ZDHHC3: variants seen among roughly 807,000 people sequenced by gnomAD.
The protein encoded by ZDHHC3 is palmitoyltransferase ZDHHC3.
ZDHHC3 carries 9 observed loss-of-function variants against 30.6 expected under a neutral mutation model. The ratio of observed to expected loss-of-function variants is 0.29; its 90% CI spans 0.18 to 0.51. The LOEUF (loss-of-function observed/expected upper bound fraction) is 0.51, where lower values mean the gene tolerates loss of function less well. Among genes scored for constraint, ZDHHC3 ranks in the 20% least tolerant of loss-of-function variants. ZDHHC3 has a pLI of 0.97. For missense variants in ZDHHC3, 246 were observed against 384.2 expected (o/e 0.64, Z 3.01); for synonymous variants, 136 against 140.2 (o/e 0.97, Z 0.21).
rs564304120 is a variant in ZDHHC3 at position 44,946,050 on chromosome 3, C to T, written c.307-758G>A. On this transcript the variant is annotated intron_variant, in intron 2 of 6. Coordinates refer to ENST00000424952, the MANE Select transcript of ZDHHC3 (RefSeq NM_001135179.2). ...TCCCTTTCTAAGTTTCACTGGTGAG[C>T]AACATGTCTAACAGTTTCCCCAGAT... Among the ~76,000 whole-genome samples the T allele has an allele frequency of 9.8e-5, 15 of 152,320 alleles. No individual in the cohort carries two copies. In the South Asian group the frequency reaches 1.0e-3, roughly 11 times the overall value.
In ZDHHC3 at chr3:44,959,051, G is replaced by A; in HGVS notation, c.306+80C>T. 6.5e-7 allele frequency: 1 copy of A among 1,537,966 alleles called. No homozygotes were observed. Among genetic ancestry groups the A allele is most frequent in the Non-Finnish European group, 8.9e-7 (1 of 1,125,490 alleles). On this transcript the variant is annotated intron_variant, in intron 2 of 6. Coordinates refer to ENST00000424952, the MANE Select transcript of ZDHHC3 (RefSeq NM_001135179.2). This position sits in a 1 kb window ranked among gnomAD's most constrained non-coding sequence, Gnocchi z 4.3. The stretch of plus-strand genomic sequence containing the variant: ...TATCCTCCAAGTTCCCAAGGTCCAG[G>A]GGGAACATGCAGGCTGTGGCCATGC...
In ZDHHC3 at chr3:44,919,797, T is replaced by C; in HGVS notation, c.*6892A>G. 1 of 828,042 alleles carries C rather than the reference T, an allele frequency of 1.2e-6. No homozygotes were observed. The highest frequency in any genetic ancestry group is 1.5e-6 in the Non-Finnish European group (1 of 686,418). 51.3% of individuals were successfully genotyped at this position (828,042 alleles called of 1,614,324 possible). On this transcript the variant is annotated 3_prime_UTR_variant, in exon 7 of 7. Transcript: ENST00000424952. ...GACTGACTGAAAGGTACATGGGAAC[T>C]CTTTGTACTGTTTTTGTCACATTTT...
At chr3:44,941,442 G>A (rs1471700248) in intron 3 of ZDHHC3, among the ~76,000 whole-genome samples, 1 of 152,136 alleles carries the variant, frequency 6.6e-6, no homozygotes, top group South Asian at 2.1e-4. Context: ...TAGGGTCATT[G>A]TGAGCACCAA....
intron 3 of ZDHHC3, among the ~76,000 whole-genome samples, chr3:44,934,944 T>G (rs1001789364): frequency 2.1e-5 from 3 of 145,144 alleles, no homozygotes; most frequent in African/African-American, 7.7e-5. Context: ...GTCGACCAGA[T>G]CAGTTCATTA....
intron 2 of ZDHHC3, among the ~76,000 whole-genome samples, chr3:44,958,384 A>G (rs1317583542): frequency 6.6e-6 from 1 of 152,124 alleles, no homozygotes; most frequent in African/African-American, 2.4e-5. Flanking sequence ...TCCCTCTCTT[A>G]AACACACACG....
At position 44,922,563 on chromosome 3, in the gene ZDHHC3, A is replaced by G. The variant is rs1307779776; in HGVS notation, c.*4126T>C. On this transcript the variant is annotated 3_prime_UTR_variant, in exon 7 of 7. Transcript: ENST00000424952. ...GGAGGGAACACGTGCCTGTCTCACA[A>G]TCAGCACACCCCAACTGCACTATGC... The G allele has an allele frequency of 1.0e-5, 10 of 985,294 alleles. No individual in the cohort carries two copies. The African/African-American group carries it at 1.7e-4, about 17-fold the overall frequency. The allele number at this position is 985,294 out of a possible 1,614,324, so 61.0% of individuals were successfully genotyped here. A position where few individuals can be genotyped will look rare whatever the true frequency, so the allele number is the denominator to read the frequency against.
intron 2 of ZDHHC3, among the ~76,000 whole-genome samples, chr3:44,950,787 G>A (rs1703379346): frequency 6.6e-6 from 1 of 152,170 alleles, no homozygotes; most frequent in Admixed American, 6.5e-5. Context: ...TTAGTTCATG[G>A]TAAGGAACTT....
rs1218707325 is a variant in ZDHHC3 at position 44,916,487 on chromosome 3, G to C, written c.*10202C>G. The C allele has an allele frequency of 1.3e-5, 2 of 152,408 alleles. No homozygotes were observed. The highest frequency in any genetic ancestry group is 4.8e-5 in the African/African-American group (2 of 41,456). The allele number at this position is 152,408 out of a possible 1,614,324, so 9.4% of individuals were successfully genotyped here. On this transcript the variant is annotated 3_prime_UTR_variant, in exon 7 of 7. Transcript: ENST00000424952. ...CAGGCCCCTTGGGGCCAGGACTCAT[G>C]CCCTTTTGCCTGGAGCTGGAAGGGG...
intron 1 of ZDHHC3, among the ~76,000 whole-genome samples, chr3:44,973,231 T>C (rs1016278949): frequency 6.6e-6 from 1 of 152,060 alleles, no homozygotes; most frequent in Non-Finnish European, 1.5e-5. Flanking sequence ...AATAATCTGG[T>C]GAATGTAATA....
In ZDHHC3 at chr3:44,922,798, G is replaced by A; in HGVS notation, c.*3891C>T. 3 of 985,258 alleles carry A rather than the reference G, an allele frequency of 3.0e-6. No individual in the cohort carries two copies. Among genetic ancestry groups the A allele is most frequent in the South Asian group, 4.7e-5 (1 of 21,284 alleles). 61.0% of individuals were successfully genotyped at this position (985,258 alleles called of 1,614,324 possible). A position where few individuals can be genotyped will look rare whatever the true frequency, so the allele number is the denominator to read the frequency against. On this transcript the variant is annotated 3_prime_UTR_variant, in exon 7 of 7. Transcript: ENST00000424952. ...ATGTGCATTTCTAACAAGTTCTCAG[G>A]TGATGCTGATGTTGACGTTGCTGGT...
chr3:44,919,907 A>G lies in ZDHHC3; in HGVS notation c.*6782T>C. On this transcript the variant is annotated 3_prime_UTR_variant, in exon 7 of 7. Transcript: ENST00000424952. ...GCAATACAAACTTGAACACTGAATT[A>G]TAATAATGCAAAGCTGGAAATGAGA... The G allele has an allele frequency of 9.6e-7, 1 of 1,043,736 alleles. No individual in the cohort carries two copies. Among genetic ancestry groups the G allele is most frequent in the Non-Finnish European group, 1.2e-6 (1 of 861,650 alleles). The allele number at this position is 1,043,736 out of a possible 1,614,324, so 64.7% of individuals were successfully genotyped here.
chr3:44,950,831 T>C (rs978454189), intron 2 of ZDHHC3, among the ~76,000 whole-genome samples: 12 of 152,330 alleles, frequency 7.9e-5, no homozygotes, highest in East Asian at 3.9e-4. Flanking sequence ...CAGCAGGAGA[T>C]TGAAGGCCTG....
At position 44,976,125 on chromosome 3, in the gene ZDHHC3, T is replaced by A; in HGVS notation, c.-217A>T. 1.9e-6 allele frequency: 1 copy of A among 533,180 alleles called. No individual in the cohort carries two copies. 33.0% of individuals were successfully genotyped at this position (533,180 alleles called of 1,614,324 possible). On this transcript the variant is annotated 5_prime_UTR_variant, in exon 1 of 7. Coordinates refer to ENST00000424952, the MANE Select transcript of ZDHHC3 (RefSeq NM_001135179.2). Reference sequence around the variant, plus strand: ...CGCGCAGGAGAAGCCCATCGAGCTCTCCCGGCAGTGGCGGCGGCCGCGGCT... The same window carrying A: ...CGCGCAGGAGAAGCCCATCGAGCTCACCCGGCAGTGGCGGCGGCCGCGGCT...
chr3:44,928,789 CCAGA>C (rs1404917202), intron 6 of ZDHHC3, among the ~76,000 whole-genome samples: 1 of 152,118 alleles, frequency 6.6e-6, no homozygotes, highest in Non-Finnish European at 1.5e-5. Flanking sequence ...CAGGGCTGGG[CCAGA>C]CAGAGATGAC....
chr3:44,964,483 T>A (rs1255132371), intron 1 of ZDHHC3, among the ~76,000 whole-genome samples: 1 of 152,150 alleles, frequency 6.6e-6, no homozygotes, highest in East Asian at 1.9e-4. Flanking sequence ...AGGAGGTGAT[T>A]CGAGATGAGG....
At position 44,920,724 on chromosome 3, in the gene ZDHHC3, A is replaced by C; in HGVS notation, c.*5965T>G. The C allele has an allele frequency of 1.0e-6, 1 of 985,390 alleles. No homozygotes were observed. Among genetic ancestry groups the C allele is most frequent in the Non-Finnish European group, 1.2e-6 (1 of 829,926 alleles). 61.0% of individuals were successfully genotyped at this position (985,390 alleles called of 1,614,324 possible). On this transcript the variant is annotated 3_prime_UTR_variant, in exon 7 of 7. Transcript: ENST00000424952. ...AATGAAGCCAAGAGCCCACAGGATG[A>C]TTATTTGCCATTCATGTGGCATGCT...
At position 44,916,928 on chromosome 3, in the gene ZDHHC3, C is replaced by T. The variant is rs1700214814; in HGVS notation, c.*9761G>A. ...CCCATCTTTTCAGAGACAAGATGGG[C>T]ACCAATTTGGGAGAACTGGCCTTTT... On this transcript the variant is annotated 3_prime_UTR_variant, in exon 7 of 7. Coordinates refer to ENST00000424952, the MANE Select transcript of ZDHHC3 (RefSeq NM_001135179.2). 6.6e-6 allele frequency: 1 copy of T among 152,154 alleles called. No homozygotes were observed. Among genetic ancestry groups the T allele is most frequent in the African/African-American group, 2.4e-5 (1 of 41,426 alleles). 9.4% of individuals were successfully genotyped at this position (152,154 alleles called of 1,614,324 possible). A position where few individuals can be genotyped will look rare whatever the true frequency, so the allele number is the denominator to read the frequency against.
intron 1 of ZDHHC3, among the ~76,000 whole-genome samples, chr3:44,970,928 G>A (rs566821337): frequency 4.1e-4 from 63 of 152,134 alleles, no homozygotes; most frequent in Non-Finnish European, 7.2e-4. Context: ...CTCACTTGAG[G>A]GCAAAATGAG....
chr3:44,935,722 C>T (rs369907941), intron 3 of ZDHHC3, among the ~76,000 whole-genome samples: 1 of 152,180 alleles, frequency 6.6e-6, no homozygotes, highest in African/African-American at 2.4e-5. Context: ...TTTGTATCAG[C>T]CCGCTCCTTT....
Sources: gnomAD v4.1 joint callset for allele counts (sites outside exome capture counted in the v4.1 genomes callset) on GRCh38, gnomAD v4.1.1 for gene constraint, Gnocchi (gnomAD v3.1) non-coding constraint, MANE v1.5 for transcripts, NCBI Gene and HGNC (gene_info 2026-07-23, HGNC 2026-07-21) for gene names.